Variants in VTI1A observed in about 807,000 individuals in gnomAD.
The protein encoded by VTI1A is vesicle transport through interaction with t-SNAREs homolog 1A.
Under a neutral mutation model 34.9 loss-of-function variants are expected in VTI1A, and 22 were observed. That is an observed-to-expected ratio of 0.63 (90% CI 0.45 to 0.90). VTI1A has a LOEUF of 0.90. Among genes scored for constraint, VTI1A ranks in the 40% least tolerant of loss-of-function variants. VTI1A has a pLI of 0.00. For synonymous variants in VTI1A, 87 were observed against 97.3 expected (o/e 0.89, Z 0.62); for missense variants, 268 against 275.6 (o/e 0.97, Z 0.20).
chr10:112,635,392 G>C (rs529815190), intron 5 of VTI1A, among the ~76,000 whole-genome samples: 1 of 152,172 alleles, frequency 6.6e-6, no homozygotes, highest in African/African-American at 2.4e-5. Context: ...ACAGGGAACC[G>C]CAAGGGTCAA....
At chr10:112,615,360 A>G (rs1309829486) in intron 5 of VTI1A, among the ~76,000 whole-genome samples, 1 of 152,248 alleles carries the variant, frequency 6.6e-6, no homozygotes, top group African/African-American at 2.4e-5. Flanking sequence ...GTTCTTTTAC[A>G]TCTCAGGTCC....
chr10:112,571,325 A>T (rs1333275790), intron 5 of VTI1A, among the ~76,000 whole-genome samples: 2 of 152,154 alleles, frequency 1.3e-5, no homozygotes, highest in African/African-American at 4.8e-5. Context: ...TCTTAAGGAA[A>T]CTCGTTCCTC....
intron 5 of VTI1A, among the ~76,000 whole-genome samples, chr10:112,583,954 C>T (rs894653507): frequency 6.6e-6 from 1 of 152,160 alleles, no homozygotes; most frequent in Admixed American, 6.5e-5. Flanking sequence ...TCCCAGAATA[C>T]CCAAAGTTGC....
intron 5 of VTI1A, among the ~76,000 whole-genome samples, chr10:112,661,790 G>C (rs1202429208): frequency 7.3e-6 from 1 of 137,860 alleles, no homozygotes; most frequent in Non-Finnish European, 1.5e-5. Flanking sequence ...TTTTTTGAGA[G>C]GAAGTCTAGC....
intron 1 of VTI1A, among the ~76,000 whole-genome samples, chr10:112,458,856 C>T (rs537938926): frequency 5.4e-4 from 82 of 151,938 alleles, no homozygotes; most frequent in Non-Finnish European, 9.6e-4. Context: ...TTAGTAGAGA[C>T]GGGGTTTCAC....
intron 7 of VTI1A, among the ~76,000 whole-genome samples, chr10:112,743,013 CGTGTGTGTGTGTGTGTGTGTGTGT>C (rs10612255): frequency 4.9e-5 from 7 of 141,890 alleles, no homozygotes; most frequent in Non-Finnish European, 9.2e-5. Flanking sequence ...GACCTATTCT[CGTGTGTGTGTGTGTGTGTGTGTGT>C]GTGTGTGTGT....
rs186454235 is a variant in VTI1A, at chr10:112,481,941, G to C, written c.264+17284G>C. 2.0e-3 allele frequency among the ~76,000 whole-genome samples: 299 copies of C among 152,240 alleles called. 3 individuals carry two copies. Among genetic ancestry groups the C allele is most frequent in the Non-Finnish European group, 1.9e-3 (129 of 68,002 alleles). On this transcript the variant is annotated intron_variant, in intron 3 of 7. Coordinates refer to ENST00000393077, the MANE Select transcript of VTI1A (RefSeq NM_145206.4). ...TAGAGGATTTCTTGTATCTTGTTTA[G>C]GGGGAAAATTGAAGTTCCTTTTGTG...
At chr10:112,661,251 G>A (rs1160205430) in intron 5 of VTI1A, among the ~76,000 whole-genome samples, 1 of 152,200 alleles carries the variant, frequency 6.6e-6, no homozygotes, top group African/African-American at 2.4e-5. Flanking sequence ...CTAAAGTGCT[G>A]AGATTATAGG....
chr10:112,518,107 T>G (rs948163197), intron 3 of VTI1A, among the ~76,000 whole-genome samples: 2 of 152,022 alleles, frequency 1.3e-5, no homozygotes, highest in African/African-American at 2.4e-5. Flanking sequence ...AGGAAGTCAT[T>G]GGTGATCTTT....
chr10:112,797,665 C>G (rs1852718210), intron 7 of VTI1A, among the ~76,000 whole-genome samples: 1 of 151,794 alleles, frequency 6.6e-6, no homozygotes, highest in South Asian at 2.1e-4. Flanking sequence ...AAGGCAGAAT[C>G]ATTAAAGTAG....
At chr10:112,612,482 G>A (rs958219671) in intron 5 of VTI1A, among the ~76,000 whole-genome samples, 1 of 152,128 alleles carries the variant, frequency 6.6e-6, no homozygotes, top group African/African-American at 2.4e-5. Context: ...GCAATAGCAC[G>A]ATCATAACTC....
chr10:112,623,700 C>T lies in VTI1A; in HGVS notation c.428-44518C>T, dbSNP rs180703791. ...CCCAAGCCTGGAGGTGTTTTATAATCCATTCCTATAGGATTCCTCTGACTT... is the reference window on the plus strand; with the variant it reads ...CCCAAGCCTGGAGGTGTTTTATAATTCATTCCTATAGGATTCCTCTGACTT... On this transcript the variant is annotated intron_variant, in intron 5 of 7. Coordinates refer to ENST00000393077, the MANE Select transcript of VTI1A (RefSeq NM_145206.4). Among the ~76,000 whole-genome samples the T allele has an allele frequency of 2.6e-5, 4 of 152,242 alleles. No homozygotes were observed. In the East Asian group the frequency reaches 7.7e-4, roughly 29 times the overall value.
chr10:112,644,989 C>A (rs1268537646), intron 5 of VTI1A, among the ~76,000 whole-genome samples: 1 of 152,148 alleles, frequency 6.6e-6, no homozygotes, highest in Admixed American at 6.5e-5. Context: ...CTCATATGAA[C>A]CTGTTCTATT....
chr10:112,725,417 A>G (rs987147221), intron 7 of VTI1A, among the ~76,000 whole-genome samples: 3 of 152,236 alleles, frequency 2.0e-5, no homozygotes, highest in African/African-American at 7.2e-5. Context: ...ATTCAACTGT[A>G]TCACATCAGG....
At chr10:112,653,601 C>T (rs959222857) in intron 5 of VTI1A, among the ~76,000 whole-genome samples, 6 of 152,184 alleles carry the variant, frequency 3.9e-5, no homozygotes, top group South Asian at 2.1e-4. Flanking sequence ...TAATAATCGA[C>T]TTCATGTGGT....
intron 5 of VTI1A, among the ~76,000 whole-genome samples, chr10:112,576,435 C>G (rs2134383469): frequency 6.6e-6 from 1 of 152,304 alleles, no homozygotes; most frequent in Non-Finnish European, 1.5e-5. Context: ...ACTGTGCTAA[C>G]ATTCAGGAAA....
intron 7 of VTI1A, among the ~76,000 whole-genome samples, chr10:112,761,773 T>TGC (rs1470274785): frequency 2.0e-5 from 2 of 100,792 alleles, no homozygotes; most frequent in Non-Finnish European, 4.0e-5. Flanking sequence ...TCTTTCTCTG[T>TGC]GTGTGTGTGT....
intron 5 of VTI1A, among the ~76,000 whole-genome samples, chr10:112,641,973 G>A (rs565846982): frequency 3.9e-4 from 59 of 152,200 alleles, no homozygotes; most frequent in Non-Finnish European, 7.5e-4. Flanking sequence ...ACCGTGTTAA[G>A]TCAGGAAGAT....
the VTI1A span, chr10:112,831,040 T>A: frequency 6.7e-6 from 1 of 149,048 alleles, no homozygotes; most frequent in South Asian, 2.1e-4. Context: ...TGTAGAGACA[T>A]TTTTTTTTCT....
Sources: gnomAD v4.1 joint callset for allele counts (sites outside exome capture counted in the v4.1 genomes callset) on GRCh38, gnomAD v4.1.1 for gene constraint, MANE v1.5 for transcripts, NCBI Gene and HGNC (gene_info 2026-07-23, HGNC 2026-07-21) for gene names.